The following RBM26 variants were observed in gnomAD, a reference collection of about 807,000 sequenced individuals.
RBM26 encodes the protein RNA binding motif protein 26.
In RBM26, 30 loss-of-function variants were observed where a neutral mutation model predicts 123.6. The observed-to-expected ratio is 0.24, with a 90% CI of 0.18 to 0.33. The LOEUF (loss-of-function observed/expected upper bound fraction) is 0.33, where lower values mean the gene tolerates loss of function less well. Ranked by LOEUF, RBM26 falls within the 10% of genes least tolerant of loss-of-function variation. The pLI, the probability that RBM26 is intolerant of heterozygous loss-of-function variation, is 1.00. For missense variants in RBM26, 947 were observed against 1,203.6 expected, an observed-to-expected ratio of 0.79 and a Z score of 3.15; for synonymous variants, 400 against 404.4, an observed-to-expected ratio of 0.99 and a Z score of 0.13.
At chr13:79,385,865 C>T (rs2077435928) in intron 1 of RBM26, among the ~76,000 whole-genome samples, 1 of 151,832 alleles carries the variant, frequency 6.6e-6, no homozygotes, top group Non-Finnish European at 1.5e-5. Context: ...TTCAGAAATG[C>T]TCTCTATGTG....
At chr13:79,358,633 G>A (rs1187632247) in intron 10 of RBM26, among the ~76,000 whole-genome samples, 200 bp from the exon 11 acceptor site, 5 of 152,126 alleles carry the variant, frequency 3.3e-5, no homozygotes, top group South Asian at 2.1e-4. Context: ...TTTCATGGAA[G>A]CCAACTGAGA....
At chr13:79,365,062 A>G (rs1292300080) in intron 9 of RBM26, among the ~76,000 whole-genome samples, 1 of 152,142 alleles carries the variant, frequency 6.6e-6, no homozygotes, top group African/African-American at 2.4e-5. Flanking sequence ...TAATAATTGT[A>G]TAATAAAGTG....
rs552352586 is a variant in RBM26, at chr13:79,386,992, T to C, written c.72-8085A>G. On this transcript the variant is annotated intron_variant, in intron 1 of 21. Transcript: ENST00000438737. Reference sequence around the variant, plus strand: ...TCTTTAAAAGGTCTGGCTAATGCTGTGTGGTTATATATGTTAGAGATTCAC... The same window carrying C: ...TCTTTAAAAGGTCTGGCTAATGCTGCGTGGTTATATATGTTAGAGATTCAC... Among the ~76,000 whole-genome samples, 17 of 152,328 alleles carry C rather than the reference T, an allele frequency of 1.1e-4. No individual in the cohort carries two copies. The East Asian group carries it at 2.3e-3, about 21-fold the overall frequency.
chr13:79,358,801 A>G (rs541318729), intron 10 of RBM26, among the ~76,000 whole-genome samples: 1 of 152,326 alleles, frequency 6.6e-6, no homozygotes, highest in East Asian at 1.9e-4. Flanking sequence ...ATCCTATCTT[A>G]AAACTTTATG....
intron 17 of RBM26, 122 bp downstream of exon 17, chr13:79,342,542 G>A: frequency 1.4e-6 from 1 of 695,662 alleles, no homozygotes; most frequent in Non-Finnish European, 2.4e-6. Context: ...GGGGGAGAAT[G>A]GTACATACAA....
chr13:79,393,480 C>T (rs1173710750), intron 1 of RBM26, among the ~76,000 whole-genome samples: 3 of 152,148 alleles, frequency 2.0e-5, no homozygotes, highest in African/African-American at 7.2e-5. Context: ...TCTTCTGAGA[C>T]AAGAAGTGAG....
intron 9 of RBM26, among the ~76,000 whole-genome samples, chr13:79,363,167 T>C (rs1381703613): frequency 6.6e-6 from 1 of 152,198 alleles, no homozygotes; most frequent in Non-Finnish European, 1.5e-5. Context: ...CCCAAATTTC[T>C]TTCCTTTTGC....
In RBM26 at chr13:79,358,348, C is replaced by T. The variant is rs962778110; in HGVS notation, c.1615G>A (p.Val539Ile). 1.9e-6 allele frequency: 3 copies of T among 1,611,960 alleles called. No individual in the cohort carries two copies. The highest frequency in any genetic ancestry group is 2.7e-5 in the African/African-American group (2 of 74,824). ...NENTKLELRKVPPELNNISKL... is the reference protein window; with the variant it reads ...NENTKLELRKIPPELNNISKL... Reference sequence around the variant, plus strand: ...CTGATATTATTTAATTCTGGAGGAACTTTTCTAAGTTCAAGCTTGGTATTT... The same window carrying T: ...CTGATATTATTTAATTCTGGAGGAATTTTTCTAAGTTCAAGCTTGGTATTT... Residue 539 changes from valine (V) to isoleucine (I), a missense_variant, in exon 11 of 22, where the codon GTT (valine) becomes ATT (isoleucine). Physicochemically the swap from Val to Ile is conservative, Grantham distance 29. Transcript: ENST00000438737.
intron 11 of RBM26, among the ~76,000 whole-genome samples, chr13:79,356,369 CAAAAAA>C (rs72305160): frequency 4.8e-5 from 4 of 83,512 alleles, no homozygotes; most frequent in South Asian, 4.4e-4. Flanking sequence ...GACTCTGTCT[CAAAAAA>C]AAAAAAAAAC....
chr13:79,388,793 A>G (rs1278675062), intron 1 of RBM26, among the ~76,000 whole-genome samples: 4 of 152,358 alleles, frequency 2.6e-5, no homozygotes, highest in African/African-American at 7.2e-5. Flanking sequence ...AACTTTTTAA[A>G]AAGGTAAGAT....
At chr13:79,371,195 A>AGCC in intron 4 of RBM26, 33 bp from the exon 5 acceptor site, 1 of 1,527,664 alleles carries the variant, frequency 6.5e-7, no homozygotes, top group Non-Finnish European at 8.9e-7. Context: ...TAATACAAAT[A>AGCC]ATTTTTAAGT....
intron 18 of RBM26, among the ~76,000 whole-genome samples, chr13:79,338,473 G>T (rs113981499): frequency 1.3e-5 from 2 of 151,980 alleles, no homozygotes; most frequent in African/African-American, 4.8e-5. Flanking sequence ...TAGGGGTTAC[G>T]GCATGAAAAA....
At chr13:79,347,026 T>C (rs1469694641) in intron 14 of RBM26, among the ~76,000 whole-genome samples, 1 of 152,338 alleles carries the variant, frequency 6.6e-6, no homozygotes, top group Middle Eastern at 3.4e-3. Context: ...AACAAACCCA[T>C]ATAATTTATT....
intron 3 of RBM26, 22 bp from the exon 4 acceptor site, chr13:79,371,952 A>AT: frequency 6.8e-7 from 1 of 1,467,126 alleles, no homozygotes; most frequent in South Asian, 1.2e-5. Flanking sequence ...AAAAAAAAAA[A>AT]GTGTACAAGT....
intron 20 of RBM26, among the ~76,000 whole-genome samples, chr13:79,327,844 T>A (rs1244851633): frequency 6.6e-6 from 1 of 152,098 alleles, no homozygotes; most frequent in Non-Finnish European, 1.5e-5. Flanking sequence ...ACTATTTGGG[T>A]AATGGGTATA....
intron 11 of RBM26, among the ~76,000 whole-genome samples, chr13:79,357,486 C>T (rs2074165367): frequency 6.6e-6 from 1 of 151,926 alleles, no homozygotes; most frequent in Non-Finnish European, 1.5e-5. Flanking sequence ...TATACCCAAG[C>T]CAAGGTCTAA....
At chr13:79,373,791 GT>G (rs1434285186) in intron 3 of RBM26, among the ~76,000 whole-genome samples, 6 of 143,228 alleles carry the variant, frequency 4.2e-5, no homozygotes, top group African/African-American at 1.6e-4. Flanking sequence ...TAGTTCTCCA[GT>G]TTCTCACAGC....
intron 18 of RBM26, among the ~76,000 whole-genome samples, chr13:79,339,359 CCA>C (rs2139029103): frequency 6.6e-6 from 1 of 151,990 alleles, no homozygotes; most frequent in South Asian, 2.1e-4. Flanking sequence ...TGGTTGGTGA[CCA>C]CAGTTAATAA....
chr13:79,354,373 A>T, intron 13 of RBM26, 66 bp downstream of exon 13: 1 of 1,291,166 alleles, frequency 7.7e-7, no homozygotes, highest in Admixed American at 2.6e-5. Flanking sequence ...CTATAATTCA[A>T]ATCACCAAGG....
Sources: gnomAD v4.1 joint callset for allele counts (sites outside exome capture counted in the v4.1 genomes callset) on GRCh38, gnomAD v4.1.1 for gene constraint, MANE v1.5 for transcripts, NCBI Gene and HGNC (gene_info 2026-07-23, HGNC 2026-07-21) for gene names.